Variants in YTHDC2 observed in about 807,000 individuals in gnomAD.
YTHDC2 encodes the protein 3'-5' RNA helicase YTHDC2.
A neutral mutation model predicts 174.9 loss-of-function variants in YTHDC2; 45 were observed. That is an observed-to-expected ratio of 0.26 (90% CI 0.20 to 0.33). YTHDC2 has a LOEUF of 0.33. YTHDC2 is among the 10% of genes least tolerant of loss of function. The pLI is 1.00. For synonymous variants in YTHDC2, 657 were observed against 574.5 expected, an observed-to-expected ratio of 1.14 and a Z score of -2.05; for missense variants, 1,650 against 1,723.7, an observed-to-expected ratio of 0.96 and a Z score of 0.76.
chr5:113,559,489 G>C (rs981346084), intron 17 of YTHDC2, among the ~76,000 whole-genome samples: 3 of 152,144 alleles, frequency 2.0e-5, no homozygotes, highest in Non-Finnish European at 2.9e-5. Context: ...GAAGGGATGA[G>C]ATGATGTTAA....
chr5:113,588,711 C>T (rs965643326), intron 26 of YTHDC2, among the ~76,000 whole-genome samples: 8 of 151,958 alleles, frequency 5.3e-5, no homozygotes, highest in African/African-American at 1.9e-4. Flanking sequence ...CAAGCTCAGC[C>T]TCCTGGGTTC....
chr5:113,564,186 G>A, intron 20 of YTHDC2, 55 bp downstream of exon 20: 1 of 1,467,204 alleles, frequency 6.8e-7, no homozygotes, highest in African/African-American at 1.4e-5. Flanking sequence ...CACGTTTCTG[G>A]GGCAAATGTA....
Position 113,515,255 on chromosome 5 carries a change from G to GTT in YTHDC2, c.188-10_188-9dup. 1 of 1,584,654 alleles carries GTT rather than the reference G, an allele frequency of 6.3e-7. No individual in the cohort carries two copies. The highest frequency in any genetic ancestry group is 8.6e-7 in the Non-Finnish European group (1 of 1,167,916). ...GCCTATCTACAAATTTTACTACTTT[G>GTT]TTTTTTTTCCGTGTAGAAATGGAAT... On this transcript the variant is annotated splice_polypyrimidine_tract_variant and intron_variant, in intron 1 of 29. Transcript: ENST00000161863.
At chr5:113,560,151 A>T (rs752511381) in intron 17 of YTHDC2, among the ~76,000 whole-genome samples, 12 of 152,080 alleles carry the variant, frequency 7.9e-5, no homozygotes, top group South Asian at 2.1e-4. Flanking sequence ...TTAGGCATCC[A>T]CCTTATAGTC....
chr5:113,518,730 A>G (rs1773659511), intron 2 of YTHDC2, among the ~76,000 whole-genome samples: 1 of 151,920 alleles, frequency 6.6e-6, no homozygotes. Flanking sequence ...TTTTTATATA[A>G]GTTTTAAAAA....
chr5:113,553,796 T>C lies in YTHDC2; in HGVS notation c.1994T>C (p.Met665Thr), dbSNP rs1171171921. The C allele has an allele frequency of 6.2e-7, 1 of 1,612,604 alleles. No homozygotes were observed. The highest frequency in any genetic ancestry group is 1.3e-5 in the African/African-American group (1 of 74,882). The change falls in exon 15 of 30, where the codon ATG becomes ACG. Residue 665 changes from methionine to threonine, a missense_variant. By Grantham distance (81) the Met-to-Thr change is moderately conservative. Transcript: ENST00000161863. ...RYQVFMLHSN[M>T]QTSDQKKVLK... ...CAAGTCTTTATGCTTCATTCAAATA[T>C]GCAAACATCCGATCAAAAGAAAGTA...
intron 24 of YTHDC2, 74 bp from the exon 25 acceptor site, chr5:113,581,343 A>G (rs1778391045): frequency 1.5e-6 from 2 of 1,345,450 alleles, no homozygotes; most frequent in East Asian, 5.3e-5. Context: ...TTGCAAACTA[A>G]TGGAAACTAA....
Position 113,582,329 on chromosome 5 carries a change from ATTC to A in YTHDC2, c.3647+626_3647+628del, listed in dbSNP as rs1414749583. The A allele has an allele frequency of 3.3e-5, 5 of 152,254 alleles. No individual in the cohort carries two copies. In the South Asian group the frequency reaches 8.3e-4, roughly 25 times the overall value. 9.4% of individuals were successfully genotyped at this position (152,254 alleles called of 1,614,324 possible). A position where few individuals can be genotyped will look rare whatever the true frequency, so the allele number is the denominator to read the frequency against. On this transcript the variant is annotated intron_variant, in intron 25 of 29. Coordinates refer to ENST00000161863, the MANE Select transcript of YTHDC2 (RefSeq NM_022828.5). ...AAGATTTCTGTTATAATTTAGCCAA[ATTC>A]TTCTTTTCTTCTTTTGCAATTAAAT...
chr5:113,578,238 G>C (rs996083924), intron 23 of YTHDC2, among the ~76,000 whole-genome samples: 15 of 151,736 alleles, frequency 9.9e-5, no homozygotes, highest in African/African-American at 3.6e-4. Flanking sequence ...TGTTATTCCG[G>C]ATGTAGTGCA....
At chr5:113,567,564 T>TC in intron 22 of YTHDC2, 90 bp from the exon 23 acceptor site, 1 of 1,163,142 alleles carries the variant, frequency 8.6e-7, no homozygotes, top group South Asian at 1.6e-5. Context: ...CATCATCTAT[T>TC]TCATTGAGAG....
At chr5:113,581,875 T>C (rs1778424803) in intron 25 of YTHDC2, 166 bp downstream of exon 25, 1 of 527,016 alleles carries the variant, frequency 1.9e-6, no homozygotes, top group Non-Finnish European at 3.0e-6. Context: ...TTGTTCAACT[T>C]AATTCTTCTA....
At chr5:113,551,554 G>C (rs920296512) in intron 12 of YTHDC2, among the ~76,000 whole-genome samples, 1 of 151,986 alleles carries the variant, frequency 6.6e-6, no homozygotes, top group African/African-American at 2.4e-5. Context: ...ATTTATAAGA[G>C]CTGAGAACAC....
At chr5:113,543,262 A>G (rs1775611584) in intron 10 of YTHDC2, among the ~76,000 whole-genome samples, 1 of 152,100 alleles carries the variant, frequency 6.6e-6, no homozygotes, top group Non-Finnish European at 1.5e-5. Flanking sequence ...TCCCCTCCCT[A>G]CGTACCTTCC....
chr5:113,578,273 G>A (rs747046568), intron 23 of YTHDC2, among the ~76,000 whole-genome samples: 2 of 151,920 alleles, frequency 1.3e-5, no homozygotes, highest in Non-Finnish European at 2.9e-5. Flanking sequence ...ATAGCTCACT[G>A]TAACCCTGAA....
intron 25 of YTHDC2, chr5:113,582,128 T>A (rs1020476434): frequency 1.3e-5 from 2 of 152,902 alleles, no homozygotes; most frequent in African/African-American, 4.8e-5. Flanking sequence ...TATCTAGATA[T>A]CAATACTGCT....
Position 113,515,266 on chromosome 5 carries a change from G to T in YTHDC2, c.188-6G>T, listed in dbSNP as rs1035409. The T allele has an allele frequency of 1.9e-6, 3 of 1,593,234 alleles. No individual in the cohort carries two copies. Among genetic ancestry groups the T allele is most frequent in the Non-Finnish European group, 2.6e-6 (3 of 1,173,170 alleles). On this transcript the variant is annotated splice_polypyrimidine_tract_variant and splice_region_variant and intron_variant, in intron 1 of 29. Transcript: ENST00000161863. ...AATTTTACTACTTTGTTTTTTTTCC[G>T]TGTAGAAATGGAATTTCCTTCTTCT... is the stretch of plus-strand genomic sequence containing the variant.
intron 26 of YTHDC2, among the ~76,000 whole-genome samples, chr5:113,589,832 A>T (rs1778914239): frequency 6.6e-6 from 1 of 152,146 alleles, no homozygotes; most frequent in African/African-American, 2.4e-5. Flanking sequence ...CAGATGCTTT[A>T]ACATTCTTGT....
At chr5:113,524,495 A>G (rs1401928850) in intron 2 of YTHDC2, among the ~76,000 whole-genome samples, 1 of 152,136 alleles carries the variant, frequency 6.6e-6, no homozygotes, top group Admixed American at 6.5e-5. Context: ...TGGTCCAACC[A>G]TGAAACTTGG....
At chr5:113,531,410 T>A (rs2112574594) in intron 4 of YTHDC2, among the ~76,000 whole-genome samples, 1 of 152,182 alleles carries the variant, frequency 6.6e-6, no homozygotes, top group East Asian at 1.9e-4. Flanking sequence ...AGGTCTTGAG[T>A]AGACACCACT....
Sources: gnomAD v4.1 joint callset for allele counts (sites outside exome capture counted in the v4.1 genomes callset) on GRCh38, gnomAD v4.1.1 for gene constraint, MANE v1.5 for transcripts, NCBI Gene and HGNC (gene_info 2026-07-23, HGNC 2026-07-21) for gene names.